The following STRN variants were observed in gnomAD, a reference collection of about 807,000 sequenced individuals.
The protein encoded by STRN is striatin.
A neutral mutation model predicts 96.3 loss-of-function variants in STRN; 53 were observed. That is an observed-to-expected ratio of 0.55 (90% CI 0.44 to 0.69). The LOEUF is 0.69. STRN is among the 30% of genes least tolerant of loss of function. The probability of loss-of-function intolerance (pLI) is 0.00; values close to 1 mark genes in which losing one functional copy is unlikely to be tolerated. For synonymous variants in STRN, 428 were observed against 355.9 expected, an observed-to-expected ratio of 1.20 and a Z score of -2.28; for missense variants, 987 against 963.9, an observed-to-expected ratio of 1.02 and a Z score of -0.32.
chr2:36,960,418 G>A (rs929330580), intron 1 of STRN, among the ~76,000 whole-genome samples: 1 of 152,130 alleles, frequency 6.6e-6, no homozygotes, highest in Non-Finnish European at 1.5e-5. Flanking sequence ...CCTCAGGATG[G>A]CACTTGTATG....
rs114857845 is a variant in STRN at position 36,868,055 on chromosome 2, T to C, written c.1500-194A>G. 8.4e-3 allele frequency among the ~76,000 whole-genome samples: 1,285 copies of C among 152,312 alleles called. 14 individuals carry two copies. Among genetic ancestry groups the C allele is most frequent in the African/African-American group, 0.03 (1,235 of 41,560 alleles). On this transcript the variant is annotated intron_variant, in intron 11 of 17. Transcript: ENST00000263918. ...AAGAAACAAGATTCTTGTTTAGTAA[T>C]AATATCATGTTACAGTATTTTTAGC...
At chr2:36,912,418 A>T (rs1381655640) in intron 3 of STRN, among the ~76,000 whole-genome samples, 1 of 152,202 alleles carries the variant, frequency 6.6e-6, no homozygotes, top group East Asian at 1.9e-4. Context: ...CATGTGTCAC[A>T]AAGTCCTACA....
intron 5 of STRN, 116 bp from the exon 6 acceptor site, chr2:36,899,774 C>T: frequency 2.2e-6 from 2 of 918,100 alleles, no homozygotes; most frequent in South Asian, 4.1e-5. Context: ...TCCCAAATCA[C>T]ATTATCTACA....
intron 1 of STRN, among the ~76,000 whole-genome samples, chr2:36,948,081 CTTTTTTTTTTTTTTTTTTTTTTTT>C (rs553351693): frequency 5.9e-5 from 4 of 68,112 alleles, no homozygotes; most frequent in Admixed American, 2.1e-4. Context: ...TCAGTGCACT[CTTTTTTTTTTTTTTTTTTTTTTTT>C]TTTTTTTTTT....
At chr2:36,902,122 G>A (rs1219740938) in intron 5 of STRN, among the ~76,000 whole-genome samples, 1 of 151,994 alleles carries the variant, frequency 6.6e-6, no homozygotes, top group Non-Finnish European at 1.5e-5. Context: ...TCACACTTAC[G>A]CTGTCACTTC....
chr2:36,947,941 T>C (rs546251609), intron 1 of STRN, among the ~76,000 whole-genome samples: 1 of 152,120 alleles, frequency 6.6e-6, no homozygotes, highest in East Asian at 1.9e-4. Flanking sequence ...GCAGTTAAAG[T>C]AACATCTTCC....
intron 7 of STRN, among the ~76,000 whole-genome samples, chr2:36,890,959 T>C (rs944389485): frequency 2.0e-5 from 3 of 152,210 alleles, no homozygotes; most frequent in African/African-American, 7.2e-5. Flanking sequence ...TACAGGTGAC[T>C]ATCCCTTACC....
intron 6 of STRN, among the ~76,000 whole-genome samples, chr2:36,895,213 G>C (rs1194262327): frequency 1.3e-5 from 2 of 151,920 alleles, no homozygotes; most frequent in Admixed American, 6.6e-5. Context: ...TGTAGTCCCA[G>C]CTACTCGGGA....
chr2:36,916,613 C>A (rs1161200412), intron 2 of STRN, among the ~76,000 whole-genome samples: 1 of 151,830 alleles, frequency 6.6e-6, no homozygotes, highest in Non-Finnish European at 1.5e-5. Context: ...GTCAGATAAT[C>A]ATGATTTGCC....
intron 1 of STRN, among the ~76,000 whole-genome samples, chr2:36,937,469 G>C (rs1670733413): frequency 6.6e-6 from 1 of 151,982 alleles, no homozygotes; most frequent in South Asian, 2.1e-4. Context: ...AGGAGTTCAA[G>C]ACTAGCCTGG....
intron 3 of STRN, among the ~76,000 whole-genome samples, chr2:36,912,886 C>T (rs774068641): frequency 8.5e-5 from 13 of 152,180 alleles, no homozygotes; most frequent in Non-Finnish European, 1.8e-4. Flanking sequence ...TCACTTCTGA[C>T]TCATCCTTTT....
At chr2:36,924,130 G>A (rs1476360132) in intron 2 of STRN, among the ~76,000 whole-genome samples, 1 of 152,096 alleles carries the variant, frequency 6.6e-6, no homozygotes, top group Non-Finnish European at 1.5e-5. Flanking sequence ...GCCGAGACGG[G>A]GGGATCACGA....
intron 13 of STRN, among the ~76,000 whole-genome samples, chr2:36,859,815 C>T (rs1398748782): frequency 2.0e-5 from 3 of 152,186 alleles, no homozygotes; most frequent in East Asian, 3.8e-4. Context: ...ATCTCAGATA[C>T]AGCCAATACA....
intron 1 of STRN, among the ~76,000 whole-genome samples, chr2:36,948,973 C>T (rs750366806): frequency 3.9e-5 from 6 of 152,192 alleles, no homozygotes; most frequent in Non-Finnish European, 8.8e-5. Flanking sequence ...AGAAAGAGTA[C>T]AGGCATGTGT....
In STRN at chr2:36,849,631, T is replaced by A. The variant is rs1331937806; in HGVS notation, c.2174-6A>T. The A allele has an allele frequency of 6.2e-7, 1 of 1,610,350 alleles. No homozygotes were observed. The highest frequency in any genetic ancestry group is 2.2e-5 in the East Asian group (1 of 44,818). ...ACGTATTGAACAGTCATGACCTATA[T>A]CCAAAAAAAAAATTAAAAGGAAAAA... On this transcript the variant is annotated splice_region_variant and splice_polypyrimidine_tract_variant and intron_variant, in intron 17 of 17. Coordinates refer to ENST00000263918, the MANE Select transcript of STRN (RefSeq NM_003162.4).
At chr2:36,869,184 CAAGGTG>C (rs1376526265) in intron 11 of STRN, among the ~76,000 whole-genome samples, 1 of 152,122 alleles carries the variant, frequency 6.6e-6, no homozygotes, top group Admixed American at 6.5e-5. Flanking sequence ...AACAATGGGG[CAAGGTG>C]GAGGTGGACA....
chr2:36,929,022 A>G (rs2148236695), intron 1 of STRN, among the ~76,000 whole-genome samples: 1 of 152,230 alleles, frequency 6.6e-6, no homozygotes, highest in Admixed American at 6.5e-5. Context: ...ATTTATCAGT[A>G]CAACTAAACC....
chr2:36,875,033 TC>T (rs1292339123), intron 10 of STRN, among the ~76,000 whole-genome samples: 1 of 152,156 alleles, frequency 6.6e-6, no homozygotes, highest in Non-Finnish European at 1.5e-5. Flanking sequence ...ATAAACATAT[TC>T]AGAAATGTGT....
At chr2:36,962,776 G>A (rs1472420945) in intron 1 of STRN, among the ~76,000 whole-genome samples, 1 of 151,964 alleles carries the variant, frequency 6.6e-6, no homozygotes, top group African/African-American at 2.4e-5. Flanking sequence ...CAAAGTGCTG[G>A]GGATTACAGG....
Sources: allele counts gnomAD v4.1 joint callset (sites outside exome capture counted in the v4.1 genomes callset), GRCh38; gene constraint gnomAD v4.1.1; transcripts MANE v1.5; gene names NCBI Gene and HGNC (gene_info 2026-07-23, HGNC 2026-07-21).